Variants in RABGAP1L observed in about 807,000 individuals in gnomAD.
RABGAP1L encodes the protein RAB GTPase activating protein 1 like.
A neutral mutation model predicts 137.7 loss-of-function variants in RABGAP1L; 63 were observed. The ratio of observed to expected loss-of-function variants is 0.46; its 90% CI spans 0.37 to 0.56. RABGAP1L has a LOEUF of 0.56. Among genes scored for constraint, RABGAP1L ranks in the 20% least tolerant of loss-of-function variants. RABGAP1L has a pLI of 0.00. For synonymous variants in RABGAP1L, 431 were observed against 433.7 expected (o/e 0.99, Z 0.08); for missense variants, 1,095 against 1,244.0 (o/e 0.88, Z 1.80).
intron 19 of RABGAP1L, among the ~76,000 whole-genome samples, chr1:174,921,709 T>C (rs1661840950): frequency 6.6e-6 from 1 of 152,250 alleles, no homozygotes; most frequent in Non-Finnish European, 1.5e-5. Flanking sequence ...AAAATTGAAC[T>C]TTATCATGTA....
At position 174,728,783 on chromosome 1, in the gene RABGAP1L, A is replaced by G. The variant is rs145422803; in HGVS notation, c.2170-23530A>G. 2.9e-3 allele frequency among the ~76,000 whole-genome samples: 438 copies of G among 152,140 alleles called. 4 individuals are homozygous for G. Among genetic ancestry groups the G allele is most frequent in the African/African-American group, 9.9e-3 (411 of 41,482 alleles). On this transcript the variant is annotated intron_variant, in intron 17 of 25. Coordinates refer to ENST00000681986, the MANE Select transcript of RABGAP1L (RefSeq NM_001366446.1). ...CAGCTTCCTGAGTAGCTGGGACTAC[A>G]GGCGCAAGCCACCATGCCCAGTTGA...
In RABGAP1L at chr1:174,394,015, G is replaced by T. The variant is rs147972067; in HGVS notation, c.1580G>T (p.Arg527Leu). Residue 527 changes from arginine (R) to leucine (L), a missense_variant, in exon 13 of 26, where the codon CGA (arginine) becomes CTA (leucine). Coordinates refer to ENST00000681986, the MANE Select transcript of RABGAP1L (RefSeq NM_001366446.1). The part of the protein sequence containing the change: ...LGKWHSNLGA[R>L]PKGLSTLVKS... Reference sequence around the variant, plus strand: ...CTCAGGCACAGTAACCTTGGTGCACGACCGAAAGGGCTGTCTACTCTGGTG... The same window carrying T: ...CTCAGGCACAGTAACCTTGGTGCACTACCGAAAGGGCTGTCTACTCTGGTG... 1 of 1,613,326 alleles carries T rather than the reference G, an allele frequency of 6.2e-7. No homozygotes were observed. Among genetic ancestry groups the T allele is most frequent in the East Asian group, 2.2e-5 (1 of 44,868 alleles).
intron 19 of RABGAP1L, among the ~76,000 whole-genome samples, chr1:174,953,955 C>G (rs1204304999): frequency 6.6e-6 from 1 of 152,094 alleles, no homozygotes; most frequent in East Asian, 1.9e-4. Context: ...TTATGTTGAC[C>G]AGGAACTGAC....
At chr1:174,814,843 C>T (rs1013174522) in intron 19 of RABGAP1L, among the ~76,000 whole-genome samples, 27 of 152,208 alleles carry the variant, frequency 1.8e-4, no homozygotes, top group African/African-American at 6.0e-4. Flanking sequence ...CATGTGCCAC[C>T]ACGCCTGGCT....
intron 19 of RABGAP1L, among the ~76,000 whole-genome samples, chr1:174,895,901 A>G (rs1355719172): frequency 3.3e-5 from 5 of 152,308 alleles, no homozygotes; most frequent in African/African-American, 1.2e-4. Context: ...CACAGTAAAC[A>G]TATGTGTGCA....
intron 13 of RABGAP1L, among the ~76,000 whole-genome samples, chr1:174,627,118 T>A (rs1672989902): frequency 6.6e-6 from 1 of 152,166 alleles, no homozygotes; most frequent in Non-Finnish European, 1.5e-5. Flanking sequence ...AGCTTATACT[T>A]TGGATTTGAT....
chr1:174,194,558 G>T (rs1667437433), intron 1 of RABGAP1L, among the ~76,000 whole-genome samples: 1 of 151,998 alleles, frequency 6.6e-6, no homozygotes, highest in Non-Finnish European at 1.5e-5. Context: ...CTAAAGCCTG[G>T]GACTGTCAGT....
At position 174,159,574 on chromosome 1, in the gene RABGAP1L, C is replaced by G. The variant is rs1190794233; in HGVS notation, c.-117C>G. 1 of 152,420 alleles carries G rather than the reference C, an allele frequency of 6.6e-6. No individual in the cohort carries two copies. Among genetic ancestry groups the G allele is most frequent in the Non-Finnish European group, 1.5e-5 (1 of 68,200 alleles). 9.4% of individuals were successfully genotyped at this position (152,420 alleles called of 1,614,324 possible). On this transcript the variant is annotated 5_prime_UTR_variant, in exon 1 of 26. Coordinates refer to ENST00000681986, the MANE Select transcript of RABGAP1L (RefSeq NM_001366446.1). ...GGTGGCGGAGCGAACGGGACCGGCCCGGCTTCAGAGCGCGAGGTGGAGGGT... is the reference window on the plus strand; with the variant it reads ...GGTGGCGGAGCGAACGGGACCGGCCGGGCTTCAGAGCGCGAGGTGGAGGGT...
At chr1:174,194,696 C>G (rs1667446955) in intron 1 of RABGAP1L, among the ~76,000 whole-genome samples, 1 of 152,028 alleles carries the variant, frequency 6.6e-6, no homozygotes, top group Admixed American at 6.6e-5. Flanking sequence ...TAGCCACAGT[C>G]TCTTGAATAG....
At position 174,562,141 on chromosome 1, in the gene RABGAP1L, A is replaced by G. The variant is rs181105999; in HGVS notation, c.1711-75234A>G. 4.5e-3 allele frequency among the ~76,000 whole-genome samples: 685 copies of G among 152,342 alleles called. 1 individual carries two copies. The highest frequency in any genetic ancestry group is 7.1e-3 in the Admixed American group (109 of 15,300). On this transcript the variant is annotated intron_variant, in intron 13 of 25. Coordinates refer to ENST00000681986, the MANE Select transcript of RABGAP1L (RefSeq NM_001366446.1). ...GGCTAATATCCAGAATCTACAAAGA[A>G]CTTAAACAGATTTACAAGAAACAAA...
chr1:174,636,215 C>G (rs917847898), intron 13 of RABGAP1L, among the ~76,000 whole-genome samples: 2 of 152,122 alleles, frequency 1.3e-5, no homozygotes, highest in African/African-American at 4.8e-5. Context: ...TTGTCTTCAA[C>G]AAATATCTAG....
At chr1:174,974,529 G>C (rs912706896) in intron 21 of RABGAP1L, among the ~76,000 whole-genome samples, 3 of 152,142 alleles carry the variant, frequency 2.0e-5, no homozygotes, top group African/African-American at 4.8e-5. Context: ...TTGACTTGCA[G>C]TGTTCATATT....
In RABGAP1L at chr1:174,991,105, T is replaced by C. The variant is rs566386585; in HGVS notation, c.*1104T>C. 17 of 152,326 alleles carry C rather than the reference T, an allele frequency of 1.1e-4. No homozygotes were observed. The highest frequency in any genetic ancestry group is 3.1e-4 in the African/African-American group (13 of 41,580). The allele number at this position is 152,326 out of a possible 1,614,324, so 9.4% of individuals were successfully genotyped here. A position where few individuals can be genotyped will look rare whatever the true frequency, so the allele number is the denominator to read the frequency against. The stretch of plus-strand genomic sequence containing the variant: ...AGATACAAATGCATTTGTAACATTT[T>C]TGATTGAATATAAAACCTTTACAGA... On this transcript the variant is annotated 3_prime_UTR_variant, in exon 26 of 26. Transcript: ENST00000681986.
chr1:174,492,176 C>CTTTTTTTTTTTTTTTTTTTTTTTTTTT (rs756360090), intron 13 of RABGAP1L, among the ~76,000 whole-genome samples: 1 of 120,010 alleles, frequency 8.3e-6, no homozygotes, highest in Non-Finnish European at 1.7e-5. Context: ...TGTCGAATTA[C>CTTTTTTTTTTTTTTTTTTTTTTTTTTT]TTTTTTTTTT....
chr1:174,191,041 G>T (rs1414871202), intron 1 of RABGAP1L, among the ~76,000 whole-genome samples: 1 of 152,104 alleles, frequency 6.6e-6, no homozygotes, highest in African/African-American at 2.4e-5. Context: ...GCGGTTTGTG[G>T]CACCTGTAAA....
At chr1:174,180,102 A>T (rs1041253057) in intron 1 of RABGAP1L, among the ~76,000 whole-genome samples, 3 of 152,226 alleles carry the variant, frequency 2.0e-5, no homozygotes, top group African/African-American at 7.2e-5. Flanking sequence ...GGATACCTTT[A>T]TATCAGTTGC....
chr1:174,481,419 C>T (rs1029284974), intron 13 of RABGAP1L, among the ~76,000 whole-genome samples: 3 of 152,162 alleles, frequency 2.0e-5, no homozygotes, highest in East Asian at 3.8e-4. Flanking sequence ...TCCATTTAGT[C>T]GCACAAAGCC....
At chr1:174,567,685 T>C (rs1034150912) in intron 13 of RABGAP1L, among the ~76,000 whole-genome samples, 17 of 152,204 alleles carry the variant, frequency 1.1e-4, no homozygotes, top group African/African-American at 4.1e-4. Context: ...GGCTGTTTGC[T>C]ATCATTGTTA....
intron 6 of RABGAP1L, among the ~76,000 whole-genome samples, chr1:174,251,249 T>G (rs1237826777): frequency 6.6e-6 from 1 of 152,196 alleles, no homozygotes; most frequent in Non-Finnish European, 1.5e-5. Context: ...AGGGGAATTT[T>G]TACACAATTG....
Sources: gnomAD v4.1 joint callset for allele counts (sites outside exome capture counted in the v4.1 genomes callset) on GRCh38, gnomAD v4.1.1 for gene constraint, MANE v1.5 for transcripts, NCBI Gene and HGNC (gene_info 2026-07-23, HGNC 2026-07-21) for gene names.